Variants in PTPRM observed in about 807,000 individuals in gnomAD.
The protein encoded by PTPRM is receptor-type tyrosine-protein phosphatase mu.
In PTPRM, 47 loss-of-function variants were observed where a neutral mutation model predicts 186.7. The observed-to-expected ratio is 0.25, with a 90% CI of 0.20 to 0.32. The LOEUF (loss-of-function observed/expected upper bound fraction) is 0.32, where lower values mean the gene tolerates loss of function less well. Ranked by LOEUF, PTPRM falls within the 10% of genes least tolerant of loss-of-function variation. The probability of loss-of-function intolerance (pLI) is 1.00; values close to 1 mark genes in which losing one functional copy is unlikely to be tolerated. For synonymous variants in PTPRM, 668 were observed against 674.9 expected, an observed-to-expected ratio of 0.99 and a Z score of 0.16; for missense variants, 1,494 against 1,865.0, an observed-to-expected ratio of 0.80 and a Z score of 3.66.
chr18:7,989,462 G>A (rs2083144398), intron 7 of PTPRM, among the ~76,000 whole-genome samples: 1 of 152,124 alleles, frequency 6.6e-6, no homozygotes, highest in Non-Finnish European at 1.5e-5. Context: ...CCTTGAGCAG[G>A]ACGTGTAAGC....
intron 23 of PTPRM, among the ~76,000 whole-genome samples, chr18:8,363,666 A>G (rs1328960761): frequency 6.6e-6 from 1 of 152,208 alleles, no homozygotes; most frequent in African/African-American, 2.4e-5. Context: ...CTAAAAGTCA[A>G]GCTGAACCTC....
At chr18:8,025,245 C>T (rs960204178) in intron 7 of PTPRM, among the ~76,000 whole-genome samples, 1 of 152,138 alleles carries the variant, frequency 6.6e-6, no homozygotes, top group African/African-American at 2.4e-5. Flanking sequence ...TCCACTTAGA[C>T]CAAAGTGGTA....
At chr18:8,137,422 G>T (rs946782605) in intron 13 of PTPRM, among the ~76,000 whole-genome samples, 1 of 152,170 alleles carries the variant, frequency 6.6e-6, no homozygotes, top group Non-Finnish European at 1.5e-5. Flanking sequence ...TGAGTCTCTT[G>T]TGTCCTGCTC....
chr18:7,943,204 C>G (rs2052303049), intron 5 of PTPRM, among the ~76,000 whole-genome samples: 1 of 152,130 alleles, frequency 6.6e-6, no homozygotes, highest in Non-Finnish European at 1.5e-5. Flanking sequence ...CACTGTCATT[C>G]CCCCGCTCTT....
chr18:7,991,642 CA>C (rs1255315148), intron 7 of PTPRM, among the ~76,000 whole-genome samples: 1 of 152,160 alleles, frequency 6.6e-6, no homozygotes, highest in Non-Finnish European at 1.5e-5. Context: ...CCCAATCTAG[CA>C]ACTTTGTGAG....
chr18:8,336,404 C>A (rs2095439191), intron 22 of PTPRM, among the ~76,000 whole-genome samples: 1 of 151,978 alleles, frequency 6.6e-6, no homozygotes, highest in African/African-American at 2.4e-5. Flanking sequence ...ACCAAAAGTA[C>A]AAAAATTAGC....
intron 3 of PTPRM, among the ~76,000 whole-genome samples, chr18:7,897,103 T>C (rs1021127664): frequency 6.6e-6 from 1 of 152,204 alleles, no homozygotes; most frequent in African/African-American, 2.4e-5. Flanking sequence ...GAGGCATTAA[T>C]TGACCAAATG....
At chr18:7,884,942 AAAAAAAAAAG>A (rs1343601017) in intron 2 of PTPRM, among the ~76,000 whole-genome samples, 24 of 150,514 alleles carry the variant, frequency 1.6e-4, no homozygotes, top group South Asian at 8.4e-4. Context: ...AAAAAAAAAA[AAAAAAAAAAG>A]GAGAGAGAGA....
chr18:8,357,117 T>A (rs181434595), intron 23 of PTPRM, among the ~76,000 whole-genome samples: 237 of 152,302 alleles, frequency 1.6e-3, no homozygotes, highest in Non-Finnish European at 2.6e-3. Flanking sequence ...GGGGAAAGAT[T>A]CAGGACAAAA....
At chr18:7,871,866 G>A (rs533429626) in intron 2 of PTPRM, among the ~76,000 whole-genome samples, 24 of 152,312 alleles carry the variant, frequency 1.6e-4, no homozygotes, top group Non-Finnish European at 3.4e-4. Flanking sequence ...TTACGACAGT[G>A]CCTGGGCAGT....
At chr18:8,179,574 A>G (rs1430986471) in intron 14 of PTPRM, among the ~76,000 whole-genome samples, 7 of 151,764 alleles carry the variant, frequency 4.6e-5, no homozygotes, top group Non-Finnish European at 8.8e-5. Flanking sequence ...GGTTCAAGCA[A>G]TTCTCCTGCC....
intron 7 of PTPRM, among the ~76,000 whole-genome samples, chr18:8,067,834 A>G (rs1179957033): frequency 6.6e-6 from 1 of 152,236 alleles, no homozygotes; most frequent in African/African-American, 2.4e-5. Context: ...CCTCTCGTCT[A>G]TAGAATTAGC....
At chr18:8,344,474 A>ATATATATATCTCTC in intron 23 of PTPRM, among the ~76,000 whole-genome samples, 1 of 147,332 alleles carries the variant, frequency 6.8e-6, no homozygotes, top group African/African-American at 2.6e-5. Context: ...ATATATATAT[A>ATATATATATCTCTC]TCTAGCAAAA....
At chr18:7,830,573 G>A (rs779406411) in intron 2 of PTPRM, among the ~76,000 whole-genome samples, 8 of 152,222 alleles carry the variant, frequency 5.3e-5, no homozygotes, top group South Asian at 2.1e-4. Context: ...CAGGAAAGTC[G>A]TTAGGCAGTA....
intron 14 of PTPRM, among the ~76,000 whole-genome samples, chr18:8,233,084 G>GT (rs1382590141): frequency 6.6e-6 from 1 of 152,198 alleles, no homozygotes; most frequent in East Asian, 1.9e-4. Flanking sequence ...AGCAGTTTGA[G>GT]TTTGCCCACA....
intron 7 of PTPRM, among the ~76,000 whole-genome samples, chr18:8,019,020 G>A (rs1568194226): frequency 6.6e-6 from 1 of 152,146 alleles, no homozygotes; most frequent in Non-Finnish European, 1.5e-5. Context: ...AAATGGTAAA[G>A]ATTAATAAGG....
chr18:8,091,873 C>T (rs1332094646), intron 11 of PTPRM, among the ~76,000 whole-genome samples: 1 of 152,070 alleles, frequency 6.6e-6, no homozygotes, highest in Non-Finnish European at 1.5e-5. Context: ...ATCTGGAAAT[C>T]TGCAAAATGC....
At chr18:7,945,168 T>C (rs2146998515) in intron 5 of PTPRM, among the ~76,000 whole-genome samples, 1 of 151,640 alleles carries the variant, frequency 6.6e-6, no homozygotes, top group Non-Finnish European at 1.5e-5. Flanking sequence ...ATCTGCAGAG[T>C]CCCGGCCGGG....
At chr18:8,305,229 C>G (rs553142211) in intron 20 of PTPRM, among the ~76,000 whole-genome samples, 2 of 152,104 alleles carry the variant, frequency 1.3e-5, no homozygotes, top group South Asian at 4.2e-4. Context: ...GAATGGTTAC[C>G]AAGGTGGTGT....
Sources: allele counts gnomAD v4.1 joint callset (sites outside exome capture counted in the v4.1 genomes callset), GRCh38; gene constraint gnomAD v4.1.1; transcripts MANE v1.5; gene names NCBI Gene and HGNC (gene_info 2026-07-23, HGNC 2026-07-21).